CAP2: variants seen among roughly 807,000 people sequenced by gnomAD.
CAP2 encodes adenylyl cyclase-associated protein 2.
A neutral mutation model predicts 57.7 loss-of-function variants in CAP2; 24 were observed. That is an observed-to-expected ratio of 0.42 (90% CI 0.30 to 0.58). The LOEUF is 0.58. Ranked by LOEUF, CAP2 falls within the 20% of genes least tolerant of loss-of-function variation. The pLI is 0.22. For synonymous variants in CAP2, 194 were observed against 207.2 expected, an observed-to-expected ratio of 0.94 and a Z score of 0.55; for missense variants, 501 against 590.3, an observed-to-expected ratio of 0.85 and a Z score of 1.57.
chr6:17,431,701 A>G (rs1759741935), intron 3 of CAP2, among the ~76,000 whole-genome samples: 1 of 152,134 alleles, frequency 6.6e-6, no homozygotes, highest in African/African-American at 2.4e-5. Flanking sequence ...TTGGATTTAG[A>G]GTGGCCCTGC....
chr6:17,507,019 G>A lies in CAP2; in HGVS notation c.301-150G>A. ...GGCATTACCATAACCAAGAACAAAT[G>A]CATGCTGTTCTCAAAGATGATTATA... On this transcript the variant is annotated intron_variant, in intron 4 of 12. Coordinates refer to ENST00000229922, the MANE Select transcript of CAP2 (RefSeq NM_006366.3). 7 of 755,152 alleles carry A rather than the reference G, an allele frequency of 9.3e-6. No individual in the cohort carries two copies. In the South Asian group the frequency reaches 1.1e-4, roughly 12 times the overall value. The allele number at this position is 755,152 out of a possible 1,614,324, so 46.8% of individuals were successfully genotyped here. A position where few individuals can be genotyped will look rare whatever the true frequency, so the allele number is the denominator to read the frequency against.
At chr6:17,543,278 C>G in intron 11 of CAP2, 135 bp downstream of exon 11, 1 of 721,264 alleles carries the variant, frequency 1.4e-6, no homozygotes, top group South Asian at 1.7e-5. Context: ...TTTCCAACCA[C>G]ACTGTAAGCT....
intron 2 of CAP2, among the ~76,000 whole-genome samples, chr6:17,423,459 A>C (rs751016971): frequency 6.6e-6 from 1 of 152,218 alleles, no homozygotes; most frequent in African/African-American, 2.4e-5. Flanking sequence ...TATTTGTAAG[A>C]AAATATTTTC....
At chr6:17,499,022 C>A (rs1311348947) in intron 4 of CAP2, among the ~76,000 whole-genome samples, 4 of 151,938 alleles carry the variant, frequency 2.6e-5, no homozygotes, top group African/African-American at 9.7e-5. Context: ...AGCCACCACG[C>A]CCGGCCAGCT....
At chr6:17,515,752 C>T (rs1279365856) in intron 7 of CAP2, among the ~76,000 whole-genome samples, 1 of 152,106 alleles carries the variant, frequency 6.6e-6, no homozygotes, top group African/African-American at 2.4e-5. Flanking sequence ...TTTTGAGTAC[C>T]TAGGCGATCC....
At chr6:17,551,908 C>T (rs756088142) in intron 12 of CAP2, among the ~76,000 whole-genome samples, 20 of 152,138 alleles carry the variant, frequency 1.3e-4, no homozygotes, top group Admixed American at 2.0e-4. Flanking sequence ...TTTTCCTTTG[C>T]TCTGGTGGAG....
chr6:17,406,403 T>TA (rs1758972021), intron 1 of CAP2, among the ~76,000 whole-genome samples: 1 of 141,052 alleles, frequency 7.1e-6, no homozygotes, highest in African/African-American at 2.9e-5. Context: ...GATTTCTTTT[T>TA]TTTTTTTTTT....
intron 3 of CAP2, among the ~76,000 whole-genome samples, chr6:17,447,819 C>T (rs1215605874): frequency 6.6e-6 from 1 of 152,116 alleles, no homozygotes; most frequent in Non-Finnish European, 1.5e-5. Context: ...ATGTATCTTT[C>T]GAGGTAATGA....
intron 7 of CAP2, among the ~76,000 whole-genome samples, chr6:17,537,432 G>A (rs1372168250): frequency 1.3e-5 from 2 of 151,994 alleles, no homozygotes; most frequent in Non-Finnish European, 2.9e-5. Context: ...AGTGATCCAA[G>A]CGATCTACCC....
intron 3 of CAP2, among the ~76,000 whole-genome samples, chr6:17,431,932 A>G (rs1384708799): frequency 1.3e-5 from 2 of 152,032 alleles, no homozygotes; most frequent in Admixed American, 6.6e-5. Flanking sequence ...GCCAGGGAAG[A>G]TGCCCTGAGA....
intron 4 of CAP2, among the ~76,000 whole-genome samples, chr6:17,485,579 A>G (rs1761400334): frequency 6.6e-6 from 1 of 152,160 alleles, no homozygotes; most frequent in South Asian, 2.1e-4. Flanking sequence ...CAGTCTGTTT[A>G]TTACTCTGAG....
At position 17,507,178 on chromosome 6, in the gene CAP2, G is replaced by C. The variant is rs1173374572; in HGVS notation, c.310G>C (p.Ala104Pro). The part of the protein sequence containing the change: ...QYQQPHENDV[A>P]ALLKPISEKI... ...GTTTGACTGCTTACAGAATGACGTG[G>C]CCGCACTTCTGAAACCCATATCGGA... Residue 104 changes from alanine to proline, a missense_variant, in exon 5 of 13, where the codon GCC (alanine) becomes CCC (proline). Ala to Pro is a conservative substitution (Grantham distance 27). Transcript: ENST00000229922. 1 of 1,614,140 alleles carries C rather than the reference G, an allele frequency of 6.2e-7. No individual in the cohort carries two copies. The highest frequency in any genetic ancestry group is 1.3e-5 in the African/African-American group (1 of 75,020).
chr6:17,441,706 A>G (rs1760078979), intron 3 of CAP2, among the ~76,000 whole-genome samples: 1 of 152,158 alleles, frequency 6.6e-6, no homozygotes, highest in African/African-American at 2.4e-5. Context: ...GCTGGTCTTG[A>G]ACTCCTAGGC....
At chr6:17,520,035 C>T (rs1290693155) in intron 7 of CAP2, among the ~76,000 whole-genome samples, 1 of 152,158 alleles carries the variant, frequency 6.6e-6, no homozygotes, top group East Asian at 1.9e-4. Context: ...AATAAAACTG[C>T]ACATGGATGA....
intron 1 of CAP2, among the ~76,000 whole-genome samples, chr6:17,416,383 AGACTTTCTCTACCTTTATACT>A (rs1759275725): frequency 6.6e-6 from 1 of 152,198 alleles, no homozygotes; most frequent in Non-Finnish European, 1.5e-5. Context: ...ACCATGTTCC[AGACTTTCTCTACCTTTATACT>A]TAATGGCAAC....
At position 17,552,150 on chromosome 6, in the gene CAP2, C is replaced by G. The variant is rs79433745; in HGVS notation, c.1350+546C>G. 4.3e-3 allele frequency among the ~76,000 whole-genome samples: 648 copies of G among 152,286 alleles called. 5 individuals carry two copies. The highest frequency in any genetic ancestry group is 0.015 in the African/African-American group (615 of 41,564). On this transcript the variant is annotated intron_variant, in intron 12 of 12. Transcript: ENST00000229922. The stretch of plus-strand genomic sequence containing the variant: ...TTTAACTGGCATGTATCCCTTAAGT[C>G]CATCCAATGGCCCTTCTGAGAAACA...
chr6:17,444,399 G>A (rs1330420144), intron 3 of CAP2, among the ~76,000 whole-genome samples: 2 of 152,120 alleles, frequency 1.3e-5, no homozygotes, highest in Non-Finnish European at 2.9e-5. Flanking sequence ...AGCATTTTGG[G>A]AGGCCGAGGC....
chr6:17,545,411 A>G (rs1763018703), intron 11 of CAP2, among the ~76,000 whole-genome samples: 1 of 152,222 alleles, frequency 6.6e-6, no homozygotes, highest in South Asian at 2.1e-4. Context: ...GGGAAGTTCT[A>G]AATATTCATC....
chr6:17,522,613 A>T (rs138513576), intron 7 of CAP2, among the ~76,000 whole-genome samples: 164 of 152,342 alleles, frequency 1.1e-3, no homozygotes, highest in African/African-American at 3.4e-3. Flanking sequence ...AGAATTCAGC[A>T]TATGTACGTA....
Sources: gnomAD v4.1 joint callset for allele counts (sites outside exome capture counted in the v4.1 genomes callset) on GRCh38, gnomAD v4.1.1 for gene constraint, MANE v1.5 for transcripts, NCBI Gene and HGNC (gene_info 2026-07-23, HGNC 2026-07-21) for gene names.